MSI2: variants seen among roughly 807,000 people sequenced by gnomAD.
The protein encoded by MSI2 is musashi RNA binding protein 2, also known as RNA-binding protein Musashi homolog 2.
Under a neutral mutation model 45.6 loss-of-function variants are expected in MSI2, and 17 were observed. That is an observed-to-expected ratio of 0.37 (90% CI 0.26 to 0.56). The LOEUF (loss-of-function observed/expected upper bound fraction) is 0.56, where lower values mean the gene tolerates loss of function less well. Among genes scored for constraint, MSI2 ranks in the 20% least tolerant of loss-of-function variants. MSI2 has a pLI of 0.77. For missense variants in MSI2, 293 were observed against 444.2 expected (o/e 0.66, Z 3.06); for synonymous variants, 156 against 158.2 (o/e 0.99, Z 0.11).
Position 57,680,305 on chromosome 17 carries a change from A to G in MSI2, c.*788A>G. On this transcript the variant is annotated 3_prime_UTR_variant, in exon 14 of 14. Coordinates refer to ENST00000284073, the MANE Select transcript of MSI2 (RefSeq NM_138962.4). ...CTTTTTTTCTGTTGAAAGAGGTGAT[A>G]TTATAAGGTTTTTTGAAATTGTGAA... The G allele has an allele frequency of 4.4e-6, 1 of 226,658 alleles. No individual in the cohort carries two copies. Among genetic ancestry groups the G allele is most frequent in the Non-Finnish European group, 8.8e-6 (1 of 113,968 alleles). 14.0% of individuals were successfully genotyped at this position (226,658 alleles called of 1,614,324 possible).
intron 7 of MSI2, among the ~76,000 whole-genome samples, chr17:57,539,460 G>C (rs1348141727): frequency 6.6e-6 from 1 of 150,934 alleles, no homozygotes; most frequent in Non-Finnish European, 1.5e-5. Context: ...CGGAGGCCAA[G>C]GTGGGCAGAT....
intron 8 of MSI2, among the ~76,000 whole-genome samples, chr17:57,600,614 A>G (rs1018471713): frequency 3.3e-5 from 5 of 152,168 alleles, no homozygotes; most frequent in African/African-American, 1.2e-4. Flanking sequence ...CAGAAGGGCC[A>G]GGAGAAGGCG....
At chr17:57,381,518 C>G (rs1490795788) in intron 5 of MSI2, among the ~76,000 whole-genome samples, 2 of 152,174 alleles carry the variant, frequency 1.3e-5, no homozygotes, top group Admixed American at 1.3e-4. Flanking sequence ...ATTGTTCCCC[C>G]TGGTCCTTCT....
intron 8 of MSI2, among the ~76,000 whole-genome samples, chr17:57,604,658 C>T (rs1906322643): frequency 6.6e-6 from 1 of 152,206 alleles, no homozygotes. Context: ...GATCTTAGGC[C>T]TGCTACCCTT....
At chr17:57,262,709 A>T (rs1043031203) in intron 5 of MSI2, among the ~76,000 whole-genome samples, 1 of 152,226 alleles carries the variant, frequency 6.6e-6, no homozygotes, top group Non-Finnish European at 1.5e-5. Context: ...GTCAGGGCAT[A>T]CTTGAAACCA....
chr17:57,407,552 C>A lies in MSI2; in HGVS notation c.405+6081C>A, dbSNP rs62060395. Among the ~76,000 whole-genome samples, 9,862 of 152,166 alleles carry A rather than the reference C, an allele frequency of 0.065. 325 individuals carry two copies. The highest frequency in any genetic ancestry group is 0.097 in the South Asian group (470 of 4,824). On this transcript the variant is annotated intron_variant, in intron 6 of 13. Transcript: ENST00000284073. The surrounding 1 kb of genome is among the most constrained non-coding windows in gnomAD (Gnocchi z 4.1). ...CTTGGAAAACAAAAGTCTTGTGTGTCCTTTGTGGACATCTGAGCTCCCGTG... is the reference window on the plus strand; with the variant it reads ...CTTGGAAAACAAAAGTCTTGTGTGTACTTTGTGGACATCTGAGCTCCCGTG...
chr17:57,447,217 G>T (rs2084916036), intron 6 of MSI2, among the ~76,000 whole-genome samples: 1 of 152,100 alleles, frequency 6.6e-6, no homozygotes, highest in South Asian at 2.1e-4. Flanking sequence ...CTCCCAAGTA[G>T]CTAGGGCTAT....
At chr17:57,373,298 C>T (rs1478155429) in intron 5 of MSI2, among the ~76,000 whole-genome samples, 1 of 151,946 alleles carries the variant, frequency 6.6e-6, no homozygotes, top group Non-Finnish European at 1.5e-5. Context: ...TCTCATTTTA[C>T]AGATAAGAAA....
At chr17:57,695,932 G>GCT in the MSI2 span, among the ~76,000 whole-genome samples, 16 of 152,272 alleles carry the variant, frequency 1.1e-4, no homozygotes, top group African/African-American at 3.6e-4. Flanking sequence ...GAGAGAGAGA[G>GCT]CTCTCTGGTG....
chr17:57,325,813 C>G (rs557687178), intron 5 of MSI2, among the ~76,000 whole-genome samples: 1 of 152,316 alleles, frequency 6.6e-6, no homozygotes, highest in African/African-American at 2.4e-5. Flanking sequence ...CCTGCCGTAC[C>G]AAGCGTGATG....
intron 4 of MSI2, among the ~76,000 whole-genome samples, chr17:57,260,329 A>G (rs1907193355): frequency 6.6e-6 from 1 of 152,172 alleles, no homozygotes; most frequent in African/African-American, 2.4e-5. Context: ...GCCACACACC[A>G]TCCAGGAGTT....
At chr17:57,349,793 T>C (rs1915876013) in intron 5 of MSI2, among the ~76,000 whole-genome samples, 1 of 152,252 alleles carries the variant, frequency 6.6e-6, no homozygotes, top group African/African-American at 2.4e-5. Flanking sequence ...ATGGTAAGCT[T>C]AGCAAGCAGA....
chr17:57,616,050 C>G lies in MSI2; in HGVS notation c.618C>G (p.Thr206=). Residue 206 remains threonine (T), a synonymous_variant, in exon 9 of 14, where the codon ACC becomes ACG. Transcript: ENST00000284073. ...GCCGGGCCCGGGGACTGCCTTACAC[C>G]ATGGACGCGTTCATGCTTGGCATGG... ...TRGRARGLPY[T]MDAFMLGMGM... is the part of the protein sequence containing the mutation. The G allele has an allele frequency of 6.2e-7, 1 of 1,614,110 alleles. No individual in the cohort carries two copies.
At chr17:57,380,020 T>C (rs771102770) in intron 5 of MSI2, among the ~76,000 whole-genome samples, 5 of 152,148 alleles carry the variant, frequency 3.3e-5, no homozygotes, top group Admixed American at 6.5e-5. Flanking sequence ...GCCTAGCATA[T>C]TGGGTATTGG....
chr17:57,633,746 TAGTTG>T (rs1377858660), intron 10 of MSI2, among the ~76,000 whole-genome samples: 1 of 152,186 alleles, frequency 6.6e-6, no homozygotes, highest in Admixed American at 6.5e-5. Context: ...AGTGCCTAGT[TAGTTG>T]AGTTGTTACA....
intron 6 of MSI2, among the ~76,000 whole-genome samples, chr17:57,482,366 A>G (rs2085664536): frequency 6.6e-6 from 1 of 152,194 alleles, no homozygotes; most frequent in African/African-American, 2.4e-5. Context: ...GGGCAAAGAA[A>G]ACTGCCTGCC....
chr17:57,495,029 G>T (rs2085948152), intron 6 of MSI2, among the ~76,000 whole-genome samples: 1 of 152,180 alleles, frequency 6.6e-6, no homozygotes, highest in Non-Finnish European at 1.5e-5. Flanking sequence ...CCTGGAGTGG[G>T]TTGCAATTTT....
chr17:57,578,460 T>C (rs1289616701), intron 7 of MSI2, among the ~76,000 whole-genome samples: 2 of 151,804 alleles, frequency 1.3e-5, no homozygotes, highest in Admixed American at 6.6e-5. Context: ...GCCTTTCTGC[T>C]TGAGAGGTGC....
chr17:57,323,645 T>C (rs1182058700), intron 5 of MSI2, among the ~76,000 whole-genome samples: 1 of 152,272 alleles, frequency 6.6e-6, no homozygotes, highest in African/African-American at 2.4e-5. Context: ...AGCAGTTGCC[T>C]AGGTCAGCGT....
Sources: gnomAD v4.1 joint callset for allele counts (sites outside exome capture counted in the v4.1 genomes callset) on GRCh38, gnomAD v4.1.1 for gene constraint, Gnocchi (gnomAD v3.1) non-coding constraint, MANE v1.5 for transcripts, NCBI Gene and HGNC (gene_info 2026-07-23, HGNC 2026-07-21) for gene names.